FBXO34: variants seen among roughly 807,000 people sequenced by gnomAD.
FBXO34 encodes the protein F-box protein 34, also known as F-box only protein 34.
Under a neutral mutation model 24.5 loss-of-function variants are expected in FBXO34, and 12 were observed. The observed-to-expected ratio is 0.49, with a 90% CI of 0.31 to 0.79. The LOEUF is 0.79. Among genes scored for constraint, FBXO34 ranks in the 30% least tolerant of loss-of-function variants. The pLI is 0.04. For missense variants in FBXO34, 823 were observed against 857.7 expected (o/e 0.96, Z 0.51); for synonymous variants, 320 against 311.9 (o/e 1.03, Z -0.27).
At chr14:55,407,022 C>T in the FBXO34 span, among the ~76,000 whole-genome samples, 132 of 150,490 alleles carry the variant, frequency 8.8e-4, no homozygotes, top group Non-Finnish European at 1.7e-3. Context: ...AGTACAGTGG[C>T]GTGATCTCAG....
At chr14:55,406,186 A>T in the FBXO34 span, among the ~76,000 whole-genome samples, 2 of 152,236 alleles carry the variant, frequency 1.3e-5, no homozygotes, top group Admixed American at 1.3e-4. Context: ...GAGCTGCTAA[A>T]CCACTAAAAC....
chr14:55,374,020 C>T (rs1212031867), downstream of FBXO34, among the ~76,000 whole-genome samples: 1 of 152,138 alleles, frequency 6.6e-6, no homozygotes, highest in African/African-American at 2.4e-5. Context: ...GTGCAATTCT[C>T]AATGGAAAAC....
chr14:55,310,957 C>A (rs75619837), intron 1 of FBXO34, among the ~76,000 whole-genome samples: 4 of 131,628 alleles, frequency 3.0e-5, no homozygotes, highest in African/African-American at 1.6e-4. Flanking sequence ...AAAAAAAAAA[C>A]ATCCAACCTG....
Position 55,299,374 on chromosome 14 carries a change from G to A in FBXO34, c.-11+27837G>A, listed in dbSNP as rs1252224489. 9.6e-5 allele frequency: 17 copies of A among 177,908 alleles called. 1 individual carries two copies. The highest frequency in any genetic ancestry group is 3.3e-5 in the Non-Finnish European group (3 of 91,082). 11.0% of individuals were successfully genotyped at this position (177,908 alleles called of 1,614,324 possible). A position where few individuals can be genotyped will look rare whatever the true frequency, so the allele number is the denominator to read the frequency against. ...GCTCGCTCTCTGCATAGCATGGTCTGCACCTAGTGGGATGGGTGGGGGCGG... is the reference window on the plus strand; with the variant it reads ...GCTCGCTCTCTGCATAGCATGGTCTACACCTAGTGGGATGGGTGGGGGCGG... On this transcript the variant is annotated intron_variant, in intron 1 of 1. Coordinates refer to ENST00000313833, the MANE Select transcript of FBXO34 (RefSeq NM_017943.4).
At chr14:55,305,611 T>G (rs1882515911) in intron 1 of FBXO34, among the ~76,000 whole-genome samples, 1 of 151,100 alleles carries the variant, frequency 6.6e-6, no homozygotes, top group African/African-American at 2.4e-5. Flanking sequence ...GCAGAATAGC[T>G]TCAACCCAGG....
At chr14:55,317,193 G>C (rs1421495973) in intron 1 of FBXO34, among the ~76,000 whole-genome samples, 3 of 152,028 alleles carry the variant, frequency 2.0e-5, no homozygotes, top group Non-Finnish European at 4.4e-5. Flanking sequence ...TGTTAGAGCT[G>C]GTTCATACTA....
At chr14:55,296,226 T>C (rs916963441) in intron 1 of FBXO34, among the ~76,000 whole-genome samples, 39 of 152,258 alleles carry the variant, frequency 2.6e-4, no homozygotes, top group Non-Finnish European at 1.0e-4. Flanking sequence ...AGGAAGAGTT[T>C]AGCTTCTTTT....
At chr14:55,353,842 G>A (rs1056455834), downstream of FBXO34, among the ~76,000 whole-genome samples, 19 of 152,086 alleles carry the variant, frequency 1.2e-4, no homozygotes, top group African/African-American at 3.9e-4. Context: ...TTCGAGTGAC[G>A]TATTATCTAG....
the FBXO34 span, among the ~76,000 whole-genome samples, chr14:55,429,166 T>C: frequency 6.6e-6 from 1 of 152,254 alleles, no homozygotes; most frequent in Non-Finnish European, 1.5e-5. Flanking sequence ...TGTAAAATTG[T>C]ACAGCTGTTG....
chr14:55,382,998 T>A, the FBXO34 span, among the ~76,000 whole-genome samples: 1 of 152,232 alleles, frequency 6.6e-6, no homozygotes, highest in East Asian at 1.9e-4. Context: ...TTACATTTTT[T>A]AAACTCTCTT....
the FBXO34 span, among the ~76,000 whole-genome samples, chr14:55,379,676 G>A: frequency 6.6e-6 from 1 of 152,174 alleles, no homozygotes; most frequent in Non-Finnish European, 1.5e-5. Context: ...AGGGTAGTAG[G>A]AAGATTGTAG....
chr14:55,435,808 G>A, the FBXO34 span: 1 of 1,318,056 alleles, frequency 7.6e-7, no homozygotes, highest in Non-Finnish European at 1.0e-6. Context: ...TAAATCTAAA[G>A]AGAAGCTAAT....
intron 3 of FBXO34, among the ~76,000 whole-genome samples, chr14:55,359,804 T>A (rs2140102453): frequency 6.6e-6 from 1 of 152,128 alleles, no homozygotes; most frequent in Middle Eastern, 3.4e-3. Context: ...GGAATAGATT[T>A]CATTTCAGTT....
At chr14:55,370,866 C>A (rs1009578267), downstream of FBXO34, among the ~76,000 whole-genome samples, 5 of 152,240 alleles carry the variant, frequency 3.3e-5, no homozygotes, top group East Asian at 9.6e-4. Flanking sequence ...GTCTTGAACT[C>A]CTGACCTCAA....
the FBXO34 span, among the ~76,000 whole-genome samples, chr14:55,402,014 A>C: frequency 4.6e-5 from 7 of 152,354 alleles, no homozygotes; most frequent in East Asian, 7.7e-4. Flanking sequence ...CCCCGGCTAC[A>C]ATCATGGGCA....
At chr14:55,441,824 C>G in the FBXO34 span, among the ~76,000 whole-genome samples, 1 of 151,764 alleles carries the variant, frequency 6.6e-6, no homozygotes, top group Non-Finnish European at 1.5e-5. Flanking sequence ...GGCTGGAGTG[C>G]AGATCTTGGC....
intron 1 of FBXO34, among the ~76,000 whole-genome samples, chr14:55,276,253 A>C (rs1881338677): frequency 6.6e-6 from 1 of 152,254 alleles, no homozygotes; most frequent in Non-Finnish European, 1.5e-5. Context: ...TTCTTTCTGG[A>C]AGATTTCATA....
At chr14:55,420,787 C>G in the FBXO34 span, among the ~76,000 whole-genome samples, 1 of 151,938 alleles carries the variant, frequency 6.6e-6, no homozygotes, top group African/African-American at 2.4e-5. Flanking sequence ...GGGTTGGGTG[C>G]GGTGGCTCAC....
intron 1 of FBXO34, among the ~76,000 whole-genome samples, chr14:55,321,765 C>T (rs1467853966): frequency 1.3e-5 from 2 of 152,156 alleles, no homozygotes; most frequent in Non-Finnish European, 2.9e-5. Flanking sequence ...TTTCATCTGT[C>T]GAATGGAGAA....
Sources: gnomAD v4.1 joint callset for allele counts (sites outside exome capture counted in the v4.1 genomes callset) on GRCh38, gnomAD v4.1.1 for gene constraint, MANE v1.5 for transcripts, NCBI Gene and HGNC (gene_info 2026-07-23, HGNC 2026-07-21) for gene names.